The following SLC4A4 variants were observed in gnomAD, a reference collection of about 807,000 sequenced individuals.
The protein encoded by SLC4A4 is electrogenic sodium bicarbonate cotransporter 1.
A neutral mutation model predicts 111.5 loss-of-function variants in SLC4A4; 27 were observed. That is an observed-to-expected ratio of 0.24 (90% CI 0.18 to 0.33). SLC4A4 has a LOEUF of 0.33. Ranked by LOEUF, SLC4A4 falls within the 10% of genes least tolerant of loss-of-function variation. The pLI, the probability that SLC4A4 is intolerant of heterozygous loss-of-function variation, is 1.00. For synonymous variants in SLC4A4, 443 were observed against 463.4 expected (o/e 0.96, Z 0.57); for missense variants, 909 against 1,315.5 (o/e 0.69, Z 4.78).
chr4:71,362,267 G>A (rs1253171399), intron 6 of SLC4A4, among the ~76,000 whole-genome samples: 1 of 152,062 alleles, frequency 6.6e-6, no homozygotes, highest in Non-Finnish European at 1.5e-5. Flanking sequence ...TCTAGACTAT[G>A]GATTTCATTT....
intron 2 of SLC4A4, among the ~76,000 whole-genome samples, chr4:71,150,853 T>C (rs1744297254): frequency 6.6e-6 from 1 of 152,178 alleles, no homozygotes; most frequent in Admixed American, 6.5e-5. Flanking sequence ...TTTACTTCTA[T>C]GCGCTCAAAG....
intron 7 of SLC4A4, among the ~76,000 whole-genome samples, chr4:71,406,645 CTTTTT>C (rs58765854): frequency 1.4e-5 from 2 of 140,250 alleles, no homozygotes; most frequent in African/African-American, 2.7e-5. Flanking sequence ...AACAATGATT[CTTTTT>C]TTTTTTTTTT....
chr4:71,183,573 T>C (rs924155907), upstream of SLC4A4, among the ~76,000 whole-genome samples: 2 of 152,230 alleles, frequency 1.3e-5, no homozygotes, highest in South Asian at 2.1e-4. Context: ...TGACCTATTA[T>C]CTATCGATCT....
At chr4:71,193,347 G>A (rs1745830579) in intron 1 of SLC4A4, among the ~76,000 whole-genome samples, 1 of 152,120 alleles carries the variant, frequency 6.6e-6, no homozygotes, top group African/African-American at 2.4e-5. Context: ...TTTTAGTAGA[G>A]ACAGGGTTTC....
chr4:71,535,583 C>G lies in SLC4A4; in HGVS notation c.2442+1195C>G, dbSNP rs1734343444. Among the ~76,000 whole-genome samples the G allele has an allele frequency of 2.0e-5, 3 of 152,074 alleles. No homozygotes were observed. In the South Asian group the frequency reaches 6.2e-4, roughly 32 times the overall value. Reference sequence around the variant, plus strand: ...ATGTTGACAATGACGTCCATCAAAACTTGTAAGTTAGAGTAATGTGAGTCT... The same window carrying G: ...ATGTTGACAATGACGTCCATCAAAAGTTGTAAGTTAGAGTAATGTGAGTCT... On this transcript the variant is annotated intron_variant, in intron 18 of 25. Transcript: ENST00000264485.
intron 7 of SLC4A4, among the ~76,000 whole-genome samples, chr4:71,400,873 A>G (rs187077747): frequency 6.6e-6 from 1 of 152,146 alleles, no homozygotes; most frequent in Non-Finnish European, 1.5e-5. Flanking sequence ...AGAAAAAAAA[A>G]GGTTTCCAGG....
intron 2 of SLC4A4, among the ~76,000 whole-genome samples, chr4:71,166,367 A>T (rs1462441332): frequency 6.6e-6 from 1 of 152,228 alleles, no homozygotes; most frequent in Non-Finnish European, 1.5e-5. Flanking sequence ...AAATCAAGGT[A>T]TTCTTTTGAA....
rs184490195 is a variant in SLC4A4, at chr4:71,522,857, C to T, written c.2167-9205C>T. On this transcript the variant is annotated intron_variant, in intron 16 of 25. Transcript: ENST00000264485. ...ATGCAGAATGTTCTTTGAAGTGTGG[C>T]GCTTCAGAAACTTTAATGAAAACAT... 6.6e-5 allele frequency among the ~76,000 whole-genome samples: 10 copies of T among 152,202 alleles called. No individual in the cohort carries two copies. In the East Asian group the frequency reaches 1.9e-3, roughly 29 times the overall value.
At chr4:71,135,934 T>C (rs1011504189) in intron 2 of SLC4A4, among the ~76,000 whole-genome samples, 1 of 152,240 alleles carries the variant, frequency 6.6e-6, no homozygotes, top group Non-Finnish European at 1.5e-5. Flanking sequence ...GAACGCAGTA[T>C]TTTGGACTTT....
chr4:71,376,555 T>C (rs1051207891), intron 6 of SLC4A4, among the ~76,000 whole-genome samples: 8 of 148,922 alleles, frequency 5.4e-5, no homozygotes, highest in Non-Finnish European at 8.9e-5. Context: ...GAAAATCCAA[T>C]TGTGTGTCAT....
chr4:71,287,303 A>T (rs1723992942), intron 3 of SLC4A4, among the ~76,000 whole-genome samples: 1 of 152,210 alleles, frequency 6.6e-6, no homozygotes, highest in African/African-American at 2.4e-5. Context: ...ATGAAATACA[A>T]TTGTGCATTT....
chr4:71,242,827 T>C (rs1258917840), intron 2 of SLC4A4, among the ~76,000 whole-genome samples: 1 of 152,182 alleles, frequency 6.6e-6, no homozygotes, highest in Non-Finnish European at 1.5e-5. Flanking sequence ...TATTGTTTAC[T>C]TGCTTAATTC....
Position 71,486,878 on chromosome 4 carries a change from C to CTT in SLC4A4, c.1904-70_1904-69insTT, listed in dbSNP as rs374357185. ...CTGTATAACCCTGCTTTTAAAAATA[C>CTT]CTAATTATGCATTTAAGGTCTTTTT... On this transcript the variant is annotated intron_variant, in intron 14 of 25. Transcript: ENST00000264485. The CTT allele has an allele frequency of 0.11, 96,243 of 913,618 alleles. 6,083 individuals are homozygous for CTT. The highest frequency in any genetic ancestry group is 0.22 in the African/African-American group (13,075 of 59,196). The allele number at this position is 913,618 out of a possible 1,614,324, so 56.6% of individuals were successfully genotyped here.
intron 16 of SLC4A4, among the ~76,000 whole-genome samples, chr4:71,500,236 C>T (rs188358436): frequency 1.3e-5 from 2 of 152,230 alleles, no homozygotes; most frequent in African/African-American, 4.8e-5. Flanking sequence ...TTTTGCAAAA[C>T]ATCTATTCAG....
In SLC4A4 at chr4:71,567,933, T is replaced by C. The variant is rs769733987; in HGVS notation, c.*182T>C. The C allele has an allele frequency of 6.0e-6, 7 of 1,175,662 alleles. No homozygotes were observed. Among genetic ancestry groups the C allele is most frequent in the Non-Finnish European group, 4.9e-6 (4 of 821,862 alleles). The allele number at this position is 1,175,662 out of a possible 1,614,324, so 72.8% of individuals were successfully genotyped here. On this transcript the variant is annotated 3_prime_UTR_variant, in exon 26 of 26. Transcript: ENST00000264485. ...TTAAAACTGACATTTGTTGTTAATG[T>C]CATTTGTTTTTGTTTGGCTGTTTGT...
chr4:71,168,939 T>C (rs1018885162), intron 2 of SLC4A4, among the ~76,000 whole-genome samples: 5 of 152,196 alleles, frequency 3.3e-5, no homozygotes, highest in African/African-American at 9.7e-5. Context: ...CTCTTTGATA[T>C]ATTGATTTCC....
intron 18 of SLC4A4, among the ~76,000 whole-genome samples, chr4:71,538,927 A>T (rs926044607): frequency 5.9e-5 from 9 of 152,086 alleles, no homozygotes; most frequent in African/African-American, 2.2e-4. Context: ...CAGAAGAAGG[A>T]ATAGAGTCTG....
At chr4:71,361,151 C>A (rs1339371535) in intron 6 of SLC4A4, among the ~76,000 whole-genome samples, 1 of 152,188 alleles carries the variant, frequency 6.6e-6, no homozygotes, top group Non-Finnish European at 1.5e-5. Context: ...TTGGTTGTGA[C>A]AATATCCTTT....
At chr4:71,460,126 T>G (rs997536581) in intron 12 of SLC4A4, among the ~76,000 whole-genome samples, 1 of 152,046 alleles carries the variant, frequency 6.6e-6, no homozygotes, top group Non-Finnish European at 1.5e-5. Flanking sequence ...TTAACCTTAT[T>G]TATGATTTCT....
Sources: gnomAD v4.1 joint callset for allele counts (sites outside exome capture counted in the v4.1 genomes callset) on GRCh38, gnomAD v4.1.1 for gene constraint, MANE v1.5 for transcripts, NCBI Gene and HGNC (gene_info 2026-07-23, HGNC 2026-07-21) for gene names.